LAMB3: variants seen among roughly 807,000 people sequenced by gnomAD.
LAMB3 encodes laminin subunit beta 3, also known as laminin subunit beta-3.
In LAMB3, 104 loss-of-function variants were observed where a neutral mutation model predicts 140.3. The ratio of observed to expected loss-of-function variants is 0.74; its 90% CI spans 0.63 to 0.87. The LOEUF (loss-of-function observed/expected upper bound fraction) is 0.87, where lower values mean the gene tolerates loss of function less well. LAMB3 is among the 40% of genes least tolerant of loss of function. LAMB3 has a pLI of 0.00. For synonymous variants in LAMB3, 592 were observed against 602.9 expected (o/e 0.98, Z 0.26); for missense variants, 1,531 against 1,575.2 (o/e 0.97, Z 0.47).
chr1:209,635,578 T>G (rs752495925), intron 5 of LAMB3, among the ~76,000 whole-genome samples: 2 of 152,268 alleles, frequency 1.3e-5, no homozygotes, highest in South Asian at 2.1e-4. Context: ...AATTTTTGTA[T>G]TTTTAGTAGA....
At position 209,615,336 on chromosome 1, in the gene LAMB3, T is replaced by G; in HGVS notation, c.3454A>C (p.Lys1152Gln). ...TGGTCACGGATCTGCTCCACACGCT[T>G]CTCCAGTCCTGTCAGGTCCGCTGAG... ...LRSADLTGLE[K>Q]RVEQIRDHIN... is the part of the protein sequence containing the mutation. The change falls in exon 23 of 23, where the codon AAG (lysine) becomes CAG (glutamine). Residue 1152 changes from lysine (K) to glutamine (Q), a missense_variant. By Grantham distance (53) the Lys-to-Gln change is moderately conservative. Coordinates refer to ENST00000356082, the MANE Select transcript of LAMB3 (RefSeq NM_000228.3). 6.2e-7 allele frequency: 1 copy of G among 1,613,940 alleles called. No individual in the cohort carries two copies. The highest frequency in any genetic ancestry group is 8.5e-7 in the Non-Finnish European group (1 of 1,179,900).
rs748014965 is a variant in LAMB3 at position 209,615,377 on chromosome 1, T to C, written c.3413A>G (p.Gln1138Arg). 1 of 1,610,174 alleles carries C rather than the reference T, an allele frequency of 6.2e-7. No homozygotes were observed. Among genetic ancestry groups the C allele is most frequent in the South Asian group, 1.1e-5 (1 of 90,862 alleles). ...DMELELLRGSQAIMLRSADLT... is the reference protein window; with the variant it reads ...DMELELLRGSRAIMLRSADLT... Reference sequence around the variant, plus strand: ...GTCCGCTGAGCGCAGCATGATGGCCTGGCTGCCCCGCAGCAGCTCCAACTC... The same window carrying C: ...GTCCGCTGAGCGCAGCATGATGGCCCGGCTGCCCCGCAGCAGCTCCAACTC... Residue 1138 changes from glutamine to arginine, a missense_variant, in exon 23 of 23, where the codon CAG (glutamine) becomes CGG (arginine). Coordinates refer to ENST00000356082, the MANE Select transcript of LAMB3 (RefSeq NM_000228.3).
chr1:209,629,640 G>T (rs1666600372), intron 10 of LAMB3, 97 bp downstream of exon 10: 1 of 1,173,788 alleles, frequency 8.5e-7, no homozygotes, highest in Admixed American at 1.8e-5. Flanking sequence ...GCTCCCTGAG[G>T]GCCTTGGTGT....
At chr1:209,624,172 G>A (rs867017891) in intron 14 of LAMB3, among the ~76,000 whole-genome samples, 172 bp from the exon 15 acceptor site, 6 of 152,160 alleles carry the variant, frequency 3.9e-5, no homozygotes, top group South Asian at 2.1e-4. Context: ...GAGGCTTGGC[G>A]ACCAGCACAA....
intron 5 of LAMB3, among the ~76,000 whole-genome samples, chr1:209,637,001 C>T (rs921770426): frequency 6.6e-5 from 10 of 152,184 alleles, no homozygotes; most frequent in Admixed American, 6.5e-5. Flanking sequence ...GTTCAATAAG[C>T]GCTCACAAAT....
rs751193145 is a variant in LAMB3, at chr1:209,617,941, C to T, written c.3017G>A (p.Arg1006His). Reference sequence around the variant, plus strand: ...CCTGTCCTGGATAAGCCGAAGGGAGCGGCTGGTGCCTTGCATGGTGTCCTG... The same window carrying T: ...CCTGTCCTGGATAAGCCGAAGGGAGTGGCTGGTGCCTTGCATGGTGTCCTG... ...EAQDTMQGTS[R>H]SLRLIQDRVA... The change falls in exon 20 of 23, where the codon CGC becomes CAC. Residue 1006 changes from arginine to histidine, a missense_variant. Physicochemically the swap from Arg to His is conservative, Grantham distance 29. Transcript: ENST00000356082. The T allele has an allele frequency of 9.3e-6, 15 of 1,614,088 alleles. No homozygotes were observed. Among genetic ancestry groups the T allele is most frequent in the South Asian group, 2.2e-5 (2 of 91,088 alleles).
intron 3 of LAMB3, among the ~76,000 whole-genome samples, chr1:209,648,679 T>C (rs1271116610): frequency 6.6e-6 from 1 of 151,970 alleles, no homozygotes; most frequent in Non-Finnish European, 1.5e-5. Flanking sequence ...AGGACTGGGA[T>C]CAAGGGTACA....
chr1:209,651,577 A>T (rs1432464487), intron 1 of LAMB3, among the ~76,000 whole-genome samples: 4 of 152,210 alleles, frequency 2.6e-5, no homozygotes, highest in Non-Finnish European at 5.9e-5. Flanking sequence ...GGCTGTCTTT[A>T]ACAAGTGAGT....
At chr1:209,628,594 G>A (rs1447501549) in intron 10 of LAMB3, among the ~76,000 whole-genome samples, 2 of 151,416 alleles carry the variant, frequency 1.3e-5, no homozygotes, top group African/African-American at 4.9e-5. Flanking sequence ...CTACCAGGAG[G>A]CTGAGGCAGA....
At chr1:209,639,219 C>A (rs1418453128) in intron 3 of LAMB3, among the ~76,000 whole-genome samples, 2 of 152,162 alleles carry the variant, frequency 1.3e-5, no homozygotes. Context: ...GGGGATTGAG[C>A]TAGAGCTTTT....
intron 4 of LAMB3, among the ~76,000 whole-genome samples, 164 bp downstream of exon 4, chr1:209,638,370 C>A (rs1666960089): frequency 6.6e-6 from 1 of 152,156 alleles, no homozygotes; most frequent in African/African-American, 2.4e-5. Context: ...CCATAACATC[C>A]AACAGACCCC....
intron 3 of LAMB3, among the ~76,000 whole-genome samples, chr1:209,645,912 C>A (rs2076513819): frequency 1.3e-5 from 2 of 152,108 alleles, no homozygotes; most frequent in Admixed American, 6.5e-5. Context: ...TGTCAGCGGG[C>A]AGGGGGATAA....
rs1243389072 is a variant in LAMB3 at position 209,622,618 on chromosome 1, C to T, written c.2619G>A (p.Gln873=). Reference sequence around the variant, plus strand: ...CCATCTGGGAGCGGCTGGCGCTCACCTGGGTCTCCAAGCGCTGGGCACTGG... The same window carrying T: ...CCATCTGGGAGCGGCTGGCGCTCACTTGGGTCTCCAAGCGCTGGGCACTGG... The part of the protein sequence containing the change: ...IQSSAQRLET[Q]VSASRSQMEE... The change falls in exon 18 of 23, where the codon CAG becomes CAA. Residue 873 remains glutamine (Q), a synonymous_variant. Coordinates refer to ENST00000356082, the MANE Select transcript of LAMB3 (RefSeq NM_000228.3). 6.2e-7 allele frequency: 1 copy of T among 1,614,148 alleles called. No individual in the cohort carries two copies. The highest frequency in any genetic ancestry group is 1.3e-5 in the African/African-American group (1 of 75,036).
rs1325494304 is a variant in LAMB3, at chr1:209,625,670, C to A, written c.1954G>T (p.Ala652Ser). ...AVTEQEVAQV[A>S]SAILSLRRTL... ...TACCTGAGGGAGAGGATGGCACTGG[C>A]CACCTGAGCCACCTCCTGCTCTGTG... The change falls in exon 14 of 23, where the codon GCC becomes TCC. Residue 652 changes from alanine (A) to serine (S), a missense_variant. By Grantham distance (99) the Ala-to-Ser change is moderately conservative. Coordinates refer to ENST00000356082, the MANE Select transcript of LAMB3 (RefSeq NM_000228.3). The A allele has an allele frequency of 6.2e-7, 1 of 1,614,096 alleles. No individual in the cohort carries two copies. The highest frequency in any genetic ancestry group is 1.1e-5 in the South Asian group (1 of 91,086).
intron 10 of LAMB3, 34 bp downstream of exon 10, chr1:209,629,703 A>C: frequency 6.2e-7 from 1 of 1,602,148 alleles, no homozygotes. Flanking sequence ...GTAACAGACA[A>C]ATGACACTCT....
At chr1:209,622,455 G>T in intron 18 of LAMB3, 81 bp downstream of exon 18, 2 of 1,533,032 alleles carry the variant, frequency 1.3e-6, no homozygotes, top group Non-Finnish European at 1.8e-6. Context: ...GGGAGGGAGG[G>T]CTGGCTGATG....
rs1666290353 is a variant in LAMB3 at position 209,623,538 on chromosome 1, A to G, written c.2325T>C (p.Ser775=). The part of the protein sequence containing the change: ...PKLVALRLEM[S]SLPDLTPTFN... Reference sequence around the variant, plus strand: ...AGGTGGGTGTCAGGTCAGGCAACGAAGACATCTCCAGCCTCAGGGCCACAA... The same window carrying G: ...AGGTGGGTGTCAGGTCAGGCAACGAGGACATCTCCAGCCTCAGGGCCACAA... The change falls in exon 16 of 23, where the codon TCT becomes TCC. Residue 775 remains serine, a synonymous_variant. Transcript: ENST00000356082. This position sits in a 1 kb window ranked among gnomAD's most constrained non-coding sequence, Gnocchi z 4.2. 6.2e-7 allele frequency: 1 copy of G among 1,614,072 alleles called. No homozygotes were observed. Among genetic ancestry groups the G allele is most frequent in the African/African-American group, 1.3e-5 (1 of 74,926 alleles).
In LAMB3 at chr1:209,615,233, C is replaced by T. The variant is rs757022831; in HGVS notation, c.*38G>A. The T allele has an allele frequency of 6.2e-5, 100 of 1,613,460 alleles. No homozygotes were observed. Among genetic ancestry groups the T allele is most frequent in the African/African-American group, 1.1e-4 (8 of 75,058 alleles). On this transcript the variant is annotated 3_prime_UTR_variant, in exon 23 of 23. Coordinates refer to ENST00000356082, the MANE Select transcript of LAMB3 (RefSeq NM_000228.3). ...ATCTGCCCCCAACCAAAAGCAAAGG[C>T]GGCAGATGAGTGGGGCAACGGGCTG...
Position 209,617,427 on chromosome 1 carries a change from C to G in LAMB3, c.3211G>C (p.Ala1071Pro), listed in dbSNP as rs746310687. 4.3e-6 allele frequency: 7 copies of G among 1,612,608 alleles called. No homozygotes were observed. Among genetic ancestry groups the G allele is most frequent in the African/African-American group, 1.3e-5 (1 of 74,900 alleles). ...CTCTGTACCTCTTGGGCACTCAATG[C>G]CTGCTCGCTGGCACCTTCCGCAAGC... is the stretch of plus-strand genomic sequence containing the variant. ...QQLAEGASEQ[A>P]LSAQEGFERI... The change falls in exon 21 of 23, where the codon GCA becomes CCA. Residue 1071 changes from alanine (A) to proline (P), a missense_variant. Transcript: ENST00000356082.
Sources: gnomAD v4.1 joint callset for allele counts (sites outside exome capture counted in the v4.1 genomes callset) on GRCh38, gnomAD v4.1.1 for gene constraint, Gnocchi (gnomAD v3.1) non-coding constraint, MANE v1.5 for transcripts, NCBI Gene and HGNC (gene_info 2026-07-23, HGNC 2026-07-21) for gene names.